The following SYNE2 variants were observed in gnomAD, a reference collection of about 807,000 sequenced individuals.
SYNE2 encodes the protein spectrin repeat containing nuclear envelope protein 2.
In SYNE2, 431 loss-of-function variants were observed where a neutral mutation model predicts 856.3. That is an observed-to-expected ratio of 0.50 (90% CI 0.47 to 0.55). The LOEUF is 0.55. SYNE2 is among the 20% of genes least tolerant of loss of function. The pLI, the probability that SYNE2 is intolerant of heterozygous loss-of-function variation, is 0.00. For synonymous variants in SYNE2, 2,923 were observed against 2,872.3 expected, an observed-to-expected ratio of 1.02 and a Z score of -0.56; for missense variants, 8,129 against 8,023.2, an observed-to-expected ratio of 1.01 and a Z score of -0.50.
chr14:64,053,010 GAA>G lies in SYNE2; in HGVS notation c.9102_9103del (p.Lys3034AsnfsTer2). On this transcript the variant is annotated frameshift_variant, in exon 48 of 116. Transcript: ENST00000555002. LOFTEE classifies it high-confidence loss of function. ...QVFEKEKELE[E>X]KIKQLDTFEE... ...ATTTGAAAAAGAAAAGGAACTTGAA[GAA>G]AAAATTAAGCAGTTGGACACATTTG... 6.2e-7 allele frequency: 1 copy of G among 1,611,654 alleles called. No homozygotes were observed. Among genetic ancestry groups the G allele is most frequent in the Non-Finnish European group, 8.5e-7 (1 of 1,179,550 alleles).
chr14:63,858,092 A>T (rs370829611), intron 1 of SYNE2, among the ~76,000 whole-genome samples: 31 of 151,698 alleles, frequency 2.0e-4, no homozygotes, highest in African/African-American at 6.5e-4. Context: ...AGCAAAATGG[A>T]GCTGTTTTAT....
chr14:64,101,865 A>G, intron 63 of SYNE2, 67 bp from the exon 64 acceptor site: 1 of 1,185,062 alleles, frequency 8.4e-7, no homozygotes, highest in Non-Finnish European at 1.3e-6. Context: ...GACGTGAGTG[A>G]GTAGGGCACC....
intron 60 of SYNE2, among the ~76,000 whole-genome samples, chr14:64,092,816 C>T (rs1464356372): frequency 2.0e-5 from 3 of 152,174 alleles, no homozygotes; most frequent in African/African-American, 7.2e-5. Flanking sequence ...AACCCTCAGC[C>T]TCTTACTCGT....
At chr14:64,123,639 C>T (rs957833192) in intron 70 of SYNE2, among the ~76,000 whole-genome samples, 1 of 152,178 alleles carries the variant, frequency 6.6e-6, no homozygotes, top group African/African-American at 2.4e-5. Flanking sequence ...TATTTGTCAG[C>T]TTTCCAGTTT....
chr14:64,043,500 A>T (rs1217190941), intron 45 of SYNE2, among the ~76,000 whole-genome samples: 1 of 8,298 alleles, frequency 1.2e-4, no homozygotes, highest in Admixed American at 1.8e-3. Flanking sequence ...GGCCTATGTA[A>T]AAAAAAAAAA....
rs988564871 is a variant in SYNE2 at position 64,038,723 on chromosome 14, A to G, written c.7221+7366A>G. ...TCAGGCGTGGCGGCGGGCGCCTGCA[A>G]TCGCAGGCATTCAGCAGGCTGAGGC... On this transcript the variant is annotated intron_variant, in intron 45 of 115. Transcript: ENST00000555002. Among the ~76,000 whole-genome samples, 9 of 152,372 alleles carry G rather than the reference A, an allele frequency of 5.9e-5. No homozygotes were observed. In the East Asian group the frequency reaches 1.7e-3, roughly 29 times the overall value.
chr14:64,214,563 T>TC (rs2098656924), intron 106 of SYNE2, 93 bp downstream of exon 106: 2 of 1,310,996 alleles, frequency 1.5e-6, no homozygotes, highest in African/African-American at 2.9e-5. Flanking sequence ...TGACCAAGAG[T>TC]CCATCTTGTG....
intron 1 of SYNE2, among the ~76,000 whole-genome samples, chr14:63,765,506 C>T (rs942639023): frequency 5.9e-5 from 9 of 152,072 alleles, no homozygotes; most frequent in South Asian, 2.1e-4. Flanking sequence ...GTGCCCGCCA[C>T]CATGCCCGGC....
In SYNE2 at chr14:64,167,506, G is replaced by A. The variant is rs1207857190; in HGVS notation, c.16772G>A (p.Gly5591Glu). The A allele has an allele frequency of 5.0e-6, 8 of 1,614,082 alleles. No homozygotes were observed. The African/African-American group carries it at 9.3e-5, about 19-fold the overall frequency. Residue 5591 changes from glycine (G) to glutamate (E), a missense_variant, in exon 92 of 116, where the codon GGA becomes GAA. Coordinates refer to ENST00000555002, the MANE Select transcript of SYNE2 (RefSeq NM_182914.3). ...TALERCSELQGIGLNEKFLYC... is the reference protein window; with the variant it reads ...TALERCSELQEIGLNEKFLYC... ...TTAAACCTTTGTAGTGAGCTTCAGG[G>A]AATTGGATTGAATGAAAAGTTTCTT... is the stretch of plus-strand genomic sequence containing the variant.
chr14:63,872,346 C>G (rs4899121), intron 1 of SYNE2, among the ~76,000 whole-genome samples: 70,728 of 151,472 alleles, frequency 0.47, 17,394 homozygotes, highest in South Asian at 0.58. Flanking sequence ...AGGAGAATCA[C>G]TTGAACCTGG....
intron 12 of SYNE2, 72 bp from the exon 13 acceptor site, chr14:63,977,833 T>A: frequency 9.5e-7 from 1 of 1,050,334 alleles, no homozygotes; most frequent in Non-Finnish European, 1.5e-6. Flanking sequence ...GTAATGCAAG[T>A]GAGATTGACA....
chr14:63,973,244 T>C (rs1191268286), intron 11 of SYNE2, among the ~76,000 whole-genome samples: 2 of 152,138 alleles, frequency 1.3e-5, no homozygotes, highest in Admixed American at 6.5e-5. Context: ...AGACTCCGTC[T>C]CAAAACAAAA....
intron 1 of SYNE2, among the ~76,000 whole-genome samples, chr14:63,904,100 C>T (rs945017151): frequency 7.9e-5 from 12 of 152,092 alleles, no homozygotes; most frequent in African/African-American, 1.9e-4. Context: ...TGTGTTAATT[C>T]GCTTAGGATT....
At chr14:63,970,495 G>T (rs1230138480) in intron 11 of SYNE2, among the ~76,000 whole-genome samples, 1 of 152,106 alleles carries the variant, frequency 6.6e-6, no homozygotes, top group Non-Finnish European at 1.5e-5. Flanking sequence ...ACTGTGCCTA[G>T]CCTATCCCCT....
chr14:63,764,433 G>A (rs1886597375), intron 1 of SYNE2, among the ~76,000 whole-genome samples: 1 of 152,074 alleles, frequency 6.6e-6, no homozygotes, highest in Non-Finnish European at 1.5e-5. Context: ...ACTTTGAGAG[G>A]CCATAGCGGG....
intron 1 of SYNE2, among the ~76,000 whole-genome samples, chr14:63,891,805 C>G (rs954313020): frequency 1.3e-5 from 2 of 151,946 alleles, no homozygotes; most frequent in African/African-American, 4.8e-5. Flanking sequence ...GAATGGGTCC[C>G]GGCCAAGCAG....
intron 101 of SYNE2, 61 bp downstream of exon 101, chr14:64,209,006 T>G: frequency 1.3e-6 from 2 of 1,568,120 alleles, no homozygotes; most frequent in African/African-American, 2.7e-5. Context: ...TACACCCTTC[T>G]GACCTCATTC....
At chr14:64,131,940 T>C (rs2098026264) in intron 76 of SYNE2, among the ~76,000 whole-genome samples, 1 of 152,208 alleles carries the variant, frequency 6.6e-6, no homozygotes, top group South Asian at 2.1e-4. Flanking sequence ...TTTTTGTTTT[T>C]TTTTCCTTTT....
Position 63,954,777 on chromosome 14 carries a change from T to A in SYNE2, c.649T>A (p.Leu217Met). 1 of 1,614,110 alleles carries A rather than the reference T, an allele frequency of 6.2e-7. No individual in the cohort carries two copies. Residue 217 changes from leucine (L) to methionine (M), a missense_variant, in exon 8 of 116, where the codon TTG becomes ATG. Leu to Met is a conservative substitution (Grantham distance 15). This residue lies in a region of SYNE2 where 2,422 missense variants were observed against 2,357.4 expected (regional missense o/e 1.03). Transcript: ENST00000555002. The part of the protein sequence containing the change: ...KSSWRNGMAF[L>M]AIIHALRPDL... ...AAGTTGGAGAAATGGGATGGCTTTT[T>A]TGGCCATCATTCATGCCTTGCGACC...
Sources: allele counts gnomAD v4.1 joint callset (sites outside exome capture counted in the v4.1 genomes callset), GRCh38; gene constraint gnomAD v4.1.1; regional missense constraint gnomAD v4.1.1; transcripts MANE v1.5; gene names NCBI Gene and HGNC (gene_info 2026-07-23, HGNC 2026-07-21).